The following GRK3 variants were observed in gnomAD, a reference collection of about 807,000 sequenced individuals.
GRK3 encodes G protein-coupled receptor kinase 3.
GRK3 carries 54 observed loss-of-function variants against 95.7 expected under a neutral mutation model. The ratio of observed to expected loss-of-function variants is 0.56; its 90% CI spans 0.45 to 0.71. The LOEUF (loss-of-function observed/expected upper bound fraction) is 0.71. Among genes scored for constraint, GRK3 ranks in the 30% least tolerant of loss-of-function variants. The pLI is 0.00. For synonymous variants in GRK3, 281 were observed against 290.8 expected (o/e 0.97, Z 0.34); for missense variants, 649 against 851.2 (o/e 0.76, Z 2.96).
chr22:25,646,755 G>A (rs2084785349), intron 3 of GRK3, among the ~76,000 whole-genome samples: 1 of 152,110 alleles, frequency 6.6e-6, no homozygotes, highest in Non-Finnish European at 1.5e-5. Flanking sequence ...GGGCACAATG[G>A]CTCACGCCTG....
At chr22:25,626,048 C>T (rs2084625574) in intron 2 of GRK3, among the ~76,000 whole-genome samples, 2 of 152,170 alleles carry the variant, frequency 1.3e-5, no homozygotes, top group South Asian at 2.1e-4. Context: ...TTTCTTTTAT[C>T]TCTTTGTCTT....
intron 1 of GRK3, among the ~76,000 whole-genome samples, chr22:25,602,985 T>TG (rs1376352838): frequency 1.3e-5 from 2 of 152,202 alleles, no homozygotes; most frequent in African/African-American, 2.4e-5. Flanking sequence ...AGCACAATCT[T>TG]GGGTCACTGC....
intron 13 of GRK3, among the ~76,000 whole-genome samples, chr22:25,701,813 G>A (rs1327768504): frequency 6.6e-6 from 1 of 152,136 alleles, no homozygotes; most frequent in East Asian, 1.9e-4. Context: ...GTGTCAAGCA[G>A]GGAGACTAAG....
intron 1 of GRK3, among the ~76,000 whole-genome samples, chr22:25,575,513 T>C (rs1024314649): frequency 1.3e-5 from 2 of 152,136 alleles, no homozygotes; most frequent in East Asian, 1.9e-4. Flanking sequence ...TCTGTAGTTA[T>C]AAAGGTTAGC....
chr22:25,619,723 T>C (rs2084567337), intron 2 of GRK3, among the ~76,000 whole-genome samples: 1 of 147,608 alleles, frequency 6.8e-6, no homozygotes, highest in Admixed American at 6.9e-5. Flanking sequence ...AACTCCTGGC[T>C]TCAAGTGATC....
At chr22:25,669,609 C>T (rs557161633) in intron 6 of GRK3, among the ~76,000 whole-genome samples, 90 of 152,318 alleles carry the variant, frequency 5.9e-4, no homozygotes, top group Non-Finnish European at 1.2e-3. Context: ...TCACAGTTCC[C>T]CTCCTGTCAA....
intron 9 of GRK3, among the ~76,000 whole-genome samples, chr22:25,683,575 G>A (rs887760312): frequency 3.3e-5 from 5 of 152,154 alleles, no homozygotes; most frequent in Non-Finnish European, 7.3e-5. Flanking sequence ...AGCTGTTCTC[G>A]TGGGTTTAGT....
At chr22:25,700,291 T>C (rs1677382225) in intron 13 of GRK3, among the ~76,000 whole-genome samples, 1 of 152,192 alleles carries the variant, frequency 6.6e-6, no homozygotes, top group African/African-American at 2.4e-5. Flanking sequence ...GGAAGATGCA[T>C]CCATGTTGCA....
chr22:25,591,388 C>T (rs111891775), intron 1 of GRK3, among the ~76,000 whole-genome samples: 2 of 152,210 alleles, frequency 1.3e-5, no homozygotes, highest in African/African-American at 4.8e-5. Flanking sequence ...AGTTTTTAAG[C>T]AAAGTAGGCT....
intron 13 of GRK3, among the ~76,000 whole-genome samples, chr22:25,698,285 G>A (rs1030948359): frequency 2.0e-5 from 3 of 151,428 alleles, no homozygotes; most frequent in African/African-American, 7.3e-5. Context: ...AAGGAAGGAA[G>A]GAAGGAAGCC....
In GRK3 at chr22:25,577,976, A is replaced by G. The variant is rs574087284; in HGVS notation, c.113+12823A>G. ...AGTTTGAAATTATTTCATATAAACA[A>G]TTATTTCATATATATATTTGGGTAA... On this transcript the variant is annotated intron_variant, in intron 1 of 20. Coordinates refer to ENST00000324198, the MANE Select transcript of GRK3 (RefSeq NM_005160.4). 1.5e-3 allele frequency among the ~76,000 whole-genome samples: 233 copies of G among 152,334 alleles called. 5 individuals carry two copies. In the Middle Eastern group the frequency reaches 0.031, roughly 20 times the overall value.
rs1158573741 is a variant in GRK3 at position 25,722,432 on chromosome 22, A to G, written c.2049A>G (p.Arg683=). The G allele has an allele frequency of 5.6e-6, 9 of 1,614,180 alleles. No homozygotes were observed. The highest frequency in any genetic ancestry group is 7.6e-6 in the Non-Finnish European group (9 of 1,180,026). Residue 683 remains arginine (R), a synonymous_variant, in exon 21 of 21, where the codon AGA becomes AGG. Transcript: ENST00000324198. The part of the protein sequence containing the change: ...VELPKPSLCH[R]NSNGL Reference sequence around the variant, plus strand: ...TCCCAAAGCCATCCCTCTGTCACAGAAACAGCAACGGCCTCTAGCACCCAG... The same window carrying G: ...TCCCAAAGCCATCCCTCTGTCACAGGAACAGCAACGGCCTCTAGCACCCAG...
intron 15 of GRK3, among the ~76,000 whole-genome samples, chr22:25,708,659 ATTTT>A (rs199506412): frequency 7.1e-6 from 1 of 141,222 alleles, no homozygotes; most frequent in Non-Finnish European, 1.6e-5. Context: ...GGAGTGTGCA[ATTTT>A]TTTTTTTTTT....
chr22:25,586,882 G>A (rs1478902505), intron 1 of GRK3, among the ~76,000 whole-genome samples: 3 of 151,640 alleles, frequency 2.0e-5, no homozygotes, highest in Non-Finnish European at 2.9e-5. Flanking sequence ...TGGGCAAAGC[G>A]AGAGGCCCTT....
rs1601551818 is a variant in GRK3, at chr22:25,721,296, A to G, written c.1804A>G (p.Thr602Ala). The G allele has an allele frequency of 3.2e-6, 5 of 1,565,548 alleles. No individual in the cohort carries two copies. Among genetic ancestry groups the G allele is most frequent in the Non-Finnish European group, 4.3e-6 (5 of 1,155,994 alleles). Residue 602 changes from threonine to alanine, a missense_variant, in exon 20 of 21, where the codon ACA (threonine) becomes GCA (alanine). By Grantham distance (58) the Thr-to-Ala change is moderately conservative. Transcript: ENST00000324198. ...GEGESRQNLL[T>A]MEQILSVEET... ...TTTTTATGGTTAGCAAAATTTACTG[A>G]CAATGGAACAGATTCTCTCTGTGGA...
At chr22:25,661,438 T>C (rs2084908652) in intron 3 of GRK3, 138 bp from the exon 4 acceptor site, 2 of 519,678 alleles carry the variant, frequency 3.8e-6, no homozygotes, top group Non-Finnish European at 6.9e-6. Flanking sequence ...TAGAAGTAGC[T>C]GTTTCCTGTG....
At chr22:25,711,621 A>G (rs1325570002) in intron 17 of GRK3, among the ~76,000 whole-genome samples, 1 of 152,002 alleles carries the variant, frequency 6.6e-6, no homozygotes, top group Non-Finnish European at 1.5e-5. Context: ...AATCCTCTGC[A>G]TTTTTCGAAC....
intron 1 of GRK3, 35 bp downstream of exon 1, chr22:25,565,188 C>T (rs928075052): frequency 1.6e-6 from 2 of 1,230,970 alleles, no homozygotes; most frequent in Non-Finnish European, 1.1e-6. Context: ...GGCCCCAAGC[C>T]GCCGCCCCCT....
At chr22:25,608,920 G>A (rs940334776) in intron 2 of GRK3, among the ~76,000 whole-genome samples, 13 of 152,286 alleles carry the variant, frequency 8.5e-5, no homozygotes, top group Middle Eastern at 3.4e-3. Flanking sequence ...TACAGCAGGC[G>A]AAATCTCCAT....
Sources: gnomAD v4.1 joint callset for allele counts (sites outside exome capture counted in the v4.1 genomes callset) on GRCh38, gnomAD v4.1.1 for gene constraint, MANE v1.5 for transcripts, NCBI Gene and HGNC (gene_info 2026-07-23, HGNC 2026-07-21) for gene names.